Variants in ASIC2 observed in about 807,000 individuals in gnomAD.
The protein encoded by ASIC2 is acid-sensing ion channel 2.
In ASIC2, 25 loss-of-function variants were observed where a neutral mutation model predicts 57.3. The ratio of observed to expected loss-of-function variants is 0.44; its 90% CI spans 0.32 to 0.61. The LOEUF (loss-of-function observed/expected upper bound fraction) is 0.61. ASIC2 is among the 20% of genes least tolerant of loss of function. The pLI is 0.06. For synonymous variants in ASIC2, 319 were observed against 307.5 expected (o/e 1.04, Z -0.39); for missense variants, 641 against 738.1 (o/e 0.87, Z 1.52).
intron 1 of ASIC2, among the ~76,000 whole-genome samples, chr17:33,400,675 T>A (rs1409368410): frequency 2.0e-5 from 3 of 152,170 alleles, no homozygotes; most frequent in Non-Finnish European, 4.4e-5. Context: ...AAAGATCATT[T>A]ATTACCATTT....
chr17:34,003,571 T>C (rs983399932), intron 1 of ASIC2: 2 of 152,176 alleles, frequency 1.3e-5, no homozygotes, highest in African/African-American at 4.8e-5. Flanking sequence ...ATCATCATGA[T>C]CATCATCATG....
intron 1 of ASIC2, among the ~76,000 whole-genome samples, chr17:33,603,259 T>C (rs1210193958): frequency 3.3e-5 from 5 of 151,682 alleles, no homozygotes. Context: ...GTGGTGGGGG[T>C]GTTGGGCTGC....
chr17:33,066,228 T>C (rs557389630), intron 3 of ASIC2, among the ~76,000 whole-genome samples: 1 of 152,288 alleles, frequency 6.6e-6, no homozygotes, highest in Admixed American at 6.5e-5. Flanking sequence ...TAGTGAGGGC[T>C]GAGAGAGAAC....
intron 1 of ASIC2, among the ~76,000 whole-genome samples, chr17:33,737,514 T>C (rs963232916): frequency 8.6e-6 from 1 of 115,826 alleles, no homozygotes; most frequent in African/African-American, 2.9e-5. Flanking sequence ...AATCTCAATC[T>C]AGTTCACTGC....
At chr17:33,662,632 TAAATA>T (rs1555550497) in intron 1 of ASIC2, among the ~76,000 whole-genome samples, 1 of 90,120 alleles carries the variant, frequency 1.1e-5, no homozygotes, top group Admixed American at 1.2e-4. Context: ...CAAAAATAAA[TAAATA>T]AATAAATAAA....
chr17:33,590,588 A>ACACCACACCCCAG (rs1904794864), intron 1 of ASIC2, among the ~76,000 whole-genome samples: 1 of 149,602 alleles, frequency 6.7e-6, no homozygotes, highest in African/African-American at 2.5e-5. Context: ...CCCAATCTCT[A>ACACCACACCCCAG]TACCACACCC....
At chr17:33,814,355 G>A (rs1315125552) in intron 1 of ASIC2, among the ~76,000 whole-genome samples, 2 of 152,174 alleles carry the variant, frequency 1.3e-5, no homozygotes, top group Non-Finnish European at 2.9e-5. Flanking sequence ...CCATGTGTGC[G>A]TGTGTATGTG....
intron 1 of ASIC2, among the ~76,000 whole-genome samples, chr17:33,155,194 G>C (rs1412362386): frequency 6.6e-6 from 1 of 152,246 alleles, no homozygotes; most frequent in Admixed American, 6.5e-5. Flanking sequence ...CCCACACCTG[G>C]CATTGGCTGG....
chr17:33,211,706 G>C (rs1049546495), intron 1 of ASIC2, among the ~76,000 whole-genome samples: 1 of 152,072 alleles, frequency 6.6e-6, no homozygotes, highest in Non-Finnish European at 1.5e-5. Flanking sequence ...TCCATTACCA[G>C]CTAATCCAGA....
intron 1 of ASIC2, among the ~76,000 whole-genome samples, chr17:33,554,390 G>A (rs1038011542): frequency 2.6e-5 from 4 of 151,996 alleles, no homozygotes; most frequent in Non-Finnish European, 5.9e-5. Context: ...GTGTTTGCAC[G>A]TGTGCACGTG....
At chr17:33,675,005 C>G (rs777738945) in intron 1 of ASIC2, among the ~76,000 whole-genome samples, 1 of 152,124 alleles carries the variant, frequency 6.6e-6, no homozygotes, top group South Asian at 2.1e-4. Flanking sequence ...ATCAGATAAA[C>G]AAAGGTGGGC....
At chr17:33,437,014 C>T (rs575064317) in intron 1 of ASIC2, among the ~76,000 whole-genome samples, 10 of 151,118 alleles carry the variant, frequency 6.6e-5, no homozygotes, top group Non-Finnish European at 8.9e-5. Context: ...TACAGGCGCC[C>T]GCTACCACGC....
At chr17:34,126,781 G>A (rs1911794906) in intron 1 of ASIC2, among the ~76,000 whole-genome samples, 1 of 152,166 alleles carries the variant, frequency 6.6e-6, no homozygotes, top group Non-Finnish European at 1.5e-5. Flanking sequence ...GAGTCACCTG[G>A]GGACCTTGTT....
At chr17:33,519,442 C>T (rs957719498) in intron 1 of ASIC2, among the ~76,000 whole-genome samples, 5 of 152,278 alleles carry the variant, frequency 3.3e-5, no homozygotes, top group Non-Finnish European at 5.9e-5. Context: ...CTATGACCCC[C>T]GTATTTCTCT....
chr17:33,147,518 G>A (rs541195201), intron 1 of ASIC2, among the ~76,000 whole-genome samples: 5 of 152,086 alleles, frequency 3.3e-5, no homozygotes, highest in Admixed American at 6.5e-5. Context: ...AGGAAGTGTT[G>A]TTCTCTCTAA....
At chr17:33,019,695 G>A (rs181721811) in intron 7 of ASIC2, among the ~76,000 whole-genome samples, 16 of 152,116 alleles carry the variant, frequency 1.1e-4, no homozygotes, top group Non-Finnish European at 1.5e-5. Flanking sequence ...CTCCTCAGCC[G>A]GCTATTCTGG....
chr17:33,329,021 C>G (rs535701990), intron 1 of ASIC2, among the ~76,000 whole-genome samples: 2 of 152,240 alleles, frequency 1.3e-5, no homozygotes, highest in African/African-American at 4.8e-5. Context: ...TGACTAAAAG[C>G]CTTCCTTATT....
At chr17:33,650,343 C>T (rs72811191) in intron 1 of ASIC2, among the ~76,000 whole-genome samples, 6,498 of 151,930 alleles carry the variant, frequency 0.043, 169 homozygotes, top group South Asian at 0.12. Flanking sequence ...CAAATGCTGA[C>T]GAGGATGGGA....
rs7218631 is a variant in ASIC2, at chr17:34,108,567, G to A, written c.555+47411C>T. Among the ~76,000 whole-genome samples the A allele has an allele frequency of 4.1e-3, 624 of 152,132 alleles. 3 individuals are homozygous for A. The highest frequency in any genetic ancestry group is 0.013 in the African/African-American group (558 of 41,512). On this transcript the variant is annotated intron_variant, in intron 1 of 9. Coordinates refer to the ASIC2 transcript ENST00000359872. The stretch of plus-strand genomic sequence containing the variant: ...TGATATTTACGTTATATGGTGTATC[G>A]TGGTGAACACTCCTCGTACATTTGA...
Sources: gnomAD v4.1 joint callset for allele counts (sites outside exome capture counted in the v4.1 genomes callset) on GRCh38, gnomAD v4.1.1 for gene constraint, MANE v1.5 for transcripts, NCBI Gene and HGNC (gene_info 2026-07-23, HGNC 2026-07-21) for gene names.